CCSER1: variants seen among roughly 807,000 people sequenced by gnomAD.
The protein encoded by CCSER1 is serine-rich coiled-coil domain-containing protein 1.
A neutral mutation model predicts 82.0 loss-of-function variants in CCSER1; 41 were observed. The observed-to-expected ratio is 0.50, with a 90% CI of 0.39 to 0.65. The LOEUF is 0.65. Ranked by LOEUF, CCSER1 falls within the 30% of genes least tolerant of loss-of-function variation. CCSER1 has a pLI of 0.00. For missense variants in CCSER1, 1,119 were observed against 1,064.2 expected (o/e 1.05, Z -0.72); for synonymous variants, 414 against 383.9 (o/e 1.08, Z -0.92).
At chr4:90,704,877 A>C (rs943052374) in intron 6 of CCSER1, among the ~76,000 whole-genome samples, 1 of 152,146 alleles carries the variant, frequency 6.6e-6, no homozygotes, top group African/African-American at 2.4e-5. Flanking sequence ...CCATTCATCT[A>C]ATCTTTTTTC....
intron 10 of CCSER1, among the ~76,000 whole-genome samples, chr4:91,348,905 ATTAAT>A (rs1307214642): frequency 1.2e-4 from 18 of 151,792 alleles, no homozygotes; most frequent in Admixed American, 1.2e-3. Context: ...AAATTAATTA[ATTAAT>A]TTATTTATTT....
intron 1 of CCSER1, among the ~76,000 whole-genome samples, chr4:90,254,333 A>G (rs571001805): frequency 2.0e-5 from 3 of 152,158 alleles, no homozygotes; most frequent in Non-Finnish European, 2.9e-5. Flanking sequence ...TCACTTCTCT[A>G]GGAATGACAG....
intron 10 of CCSER1, among the ~76,000 whole-genome samples, chr4:91,201,867 T>C (rs1399628800): frequency 1.3e-5 from 2 of 152,004 alleles, no homozygotes; most frequent in Admixed American, 6.6e-5. Flanking sequence ...GACTCAAATA[T>C]AAAAACAATA....
chr4:90,669,374 G>C (rs528029165), intron 6 of CCSER1, among the ~76,000 whole-genome samples: 1 of 152,164 alleles, frequency 6.6e-6, no homozygotes, highest in Admixed American at 6.5e-5. Context: ...ATGTTCAAGT[G>C]TAAATTTTAA....
intron 3 of CCSER1, among the ~76,000 whole-genome samples, chr4:90,344,687 A>T (rs1742012848): frequency 6.6e-6 from 1 of 152,124 alleles, no homozygotes; most frequent in Admixed American, 6.6e-5. Context: ...AAAATTGTTA[A>T]GTTGAACTAT....
intron 3 of CCSER1, among the ~76,000 whole-genome samples, chr4:90,375,106 G>A (rs1296600527): frequency 6.6e-6 from 1 of 152,088 alleles, no homozygotes; most frequent in Non-Finnish European, 1.5e-5. Flanking sequence ...CCTCACTTTG[G>A]CCTGGTTTAT....
intron 1 of CCSER1, among the ~76,000 whole-genome samples, chr4:90,129,826 T>G (rs894708923): frequency 6.6e-6 from 1 of 152,214 alleles, no homozygotes; most frequent in Non-Finnish European, 1.5e-5. Context: ...CGGAAGCATG[T>G]GCAGCTTTAA....
At chr4:90,994,760 T>C (rs1189956560) in intron 9 of CCSER1, among the ~76,000 whole-genome samples, 7 of 152,186 alleles carry the variant, frequency 4.6e-5, no homozygotes, top group Non-Finnish European at 1.5e-5. Context: ...TTGCCGAAGT[T>C]GTTATACCTT....
At chr4:90,786,492 A>G (rs1446049722) in intron 7 of CCSER1, among the ~76,000 whole-genome samples, 1 of 128,994 alleles carries the variant, frequency 7.8e-6, no homozygotes, top group Non-Finnish European at 1.6e-5. Flanking sequence ...TAATCATTTT[A>G]CTCAAAGTTT....
chr4:91,139,962 A>G (rs1728869994), intron 10 of CCSER1, among the ~76,000 whole-genome samples: 1 of 152,170 alleles, frequency 6.6e-6, no homozygotes, highest in East Asian at 1.9e-4. Context: ...GAGAAATTAC[A>G]TGTACCTTGG....
At chr4:91,435,758 C>T (rs1285324545) in intron 10 of CCSER1, among the ~76,000 whole-genome samples, 2 of 152,152 alleles carry the variant, frequency 1.3e-5, no homozygotes, top group African/African-American at 2.4e-5. Context: ...TGAGATATCT[C>T]CACTAATTAT....
intron 6 of CCSER1, among the ~76,000 whole-genome samples, chr4:90,644,675 G>A (rs1727175073): frequency 6.6e-6 from 1 of 151,742 alleles, no homozygotes; most frequent in African/African-American, 2.4e-5. Flanking sequence ...CTGTCCATGT[G>A]TTCTCATTAT....
intron 8 of CCSER1, among the ~76,000 whole-genome samples, chr4:90,826,130 A>G (rs1407149826): frequency 5.9e-5 from 9 of 152,194 alleles, no homozygotes; most frequent in Admixed American, 1.3e-4. Context: ...ATTATGCCCA[A>G]TAAAAACTAG....
intron 7 of CCSER1, among the ~76,000 whole-genome samples, chr4:90,748,626 T>G (rs1384615202): frequency 1.4e-5 from 2 of 146,676 alleles, no homozygotes; most frequent in Admixed American, 6.9e-5. Flanking sequence ...ACTTCCACAA[T>G]GGTTGAACTA....
At chr4:91,218,440 G>T (rs1226194032) in intron 10 of CCSER1, among the ~76,000 whole-genome samples, 2 of 152,176 alleles carry the variant, frequency 1.3e-5, no homozygotes, top group Non-Finnish European at 2.9e-5. Flanking sequence ...GGCACTGAAG[G>T]GCTCCTCAAA....
intron 10 of CCSER1, among the ~76,000 whole-genome samples, chr4:91,134,024 G>A (rs566004913): frequency 5.9e-5 from 9 of 152,226 alleles, no homozygotes; most frequent in South Asian, 4.1e-4. Context: ...GCTTGAACCC[G>A]GGAGGCAGAG....
rs1359898138 is a variant in CCSER1 at position 90,542,261 on chromosome 4, G to A, written c.1724+73907G>A. On this transcript the variant is annotated intron_variant, in intron 5 of 10. Coordinates refer to ENST00000509176, the MANE Select transcript of CCSER1 (RefSeq NM_001145065.2). ...AATGACCAAGAGTAATATAGCCTCA[G>A]ATTTCTCTTTGTTACCTGATGACAC... 2.6e-5 allele frequency among the ~76,000 whole-genome samples: 4 copies of A among 152,064 alleles called. No individual in the cohort carries two copies. In the East Asian group the frequency reaches 7.7e-4, roughly 29 times the overall value.
chr4:91,355,561 C>G (rs1748765572), intron 10 of CCSER1, among the ~76,000 whole-genome samples: 1 of 152,062 alleles, frequency 6.6e-6, no homozygotes, highest in African/African-American at 2.4e-5. Flanking sequence ...TTTGTCCTAC[C>G]TCAGTGACTT....
At chr4:91,449,218 A>T (rs1251655914) in intron 10 of CCSER1, among the ~76,000 whole-genome samples, 3 of 151,936 alleles carry the variant, frequency 2.0e-5, no homozygotes, top group African/African-American at 7.2e-5. Flanking sequence ...TGAGTCACTC[A>T]CTCCTCTATG....
Sources: allele counts gnomAD v4.1 joint callset (sites outside exome capture counted in the v4.1 genomes callset), GRCh38; gene constraint gnomAD v4.1.1; transcripts MANE v1.5; gene names NCBI Gene and HGNC (gene_info 2026-07-23, HGNC 2026-07-21).